Variants in ZFP2 observed in about 807,000 individuals in gnomAD.
ZFP2 encodes the protein ZFP2 zinc finger protein.
ZFP2 carries 33 observed loss-of-function variants against 36.1 expected under a neutral mutation model. That is an observed-to-expected ratio of 0.92 (90% CI 0.69 to 1.22). The LOEUF (loss-of-function observed/expected upper bound fraction) is 1.22. Among genes scored for constraint, ZFP2 ranks in the 50% most tolerant of loss-of-function variants. ZFP2 has a pLI of 0.00. For synonymous variants in ZFP2, 170 were observed against 178.0 expected (o/e 0.96, Z 0.36); for missense variants, 522 against 551.4 (o/e 0.95, Z 0.53).
chr5:178,899,285 G>A (rs1007506291), intron 1 of ZFP2, among the ~76,000 whole-genome samples: 3 of 152,148 alleles, frequency 2.0e-5, no homozygotes, highest in African/African-American at 4.8e-5. Context: ...TGCCATATAG[G>A]TGACATGAAG....
chr5:178,928,327 C>T (rs1188030371), intron 4 of ZFP2, among the ~76,000 whole-genome samples: 1 of 152,112 alleles, frequency 6.6e-6, no homozygotes, highest in Non-Finnish European at 1.5e-5. Context: ...AACATTAACT[C>T]AAAAGTCCAC....
chr5:178,909,913 C>G, intron 1 of ZFP2: 1 of 1,503,510 alleles, frequency 6.7e-7, no homozygotes, highest in South Asian at 1.2e-5. Flanking sequence ...CGGGAGATGC[C>G]CTTGATCCTC....
At chr5:178,922,171 A>G (rs1203112288) in intron 4 of ZFP2, 1 of 1,110,264 alleles carries the variant, frequency 9.0e-7, no homozygotes, top group Non-Finnish European at 1.4e-6. Flanking sequence ...ACTCCTCAAT[A>G]TTGGAAACAC....
chr5:178,921,656 C>T (rs1758564262), intron 4 of ZFP2, among the ~76,000 whole-genome samples: 1 of 149,518 alleles, frequency 6.7e-6, no homozygotes, highest in African/African-American at 2.4e-5. Flanking sequence ...AGAGCTTTTC[C>T]TGGAGAACCT....
At chr5:178,916,259 G>A (rs113521985) in intron 3 of ZFP2, among the ~76,000 whole-genome samples, 1 of 152,144 alleles carries the variant, frequency 6.6e-6, no homozygotes, top group Admixed American at 6.5e-5. Context: ...TGGGACCCAG[G>A]GAAGAGCCCA....
chr5:178,927,478 T>G (rs543989835), intron 4 of ZFP2, among the ~76,000 whole-genome samples: 3 of 150,992 alleles, frequency 2.0e-5, no homozygotes, highest in Non-Finnish European at 4.4e-5. Flanking sequence ...ACTAGGTAAT[T>G]TATTCATTTA....
intron 1 of ZFP2, among the ~76,000 whole-genome samples, chr5:178,902,414 G>A (rs1395961577): frequency 1.3e-5 from 2 of 152,156 alleles, no homozygotes; most frequent in African/African-American, 4.8e-5. Flanking sequence ...TCCTACAACT[G>A]TCCTTTATCT....
chr5:178,928,887 C>T (rs1204333747), intron 4 of ZFP2, among the ~76,000 whole-genome samples: 2 of 152,242 alleles, frequency 1.3e-5, no homozygotes, highest in East Asian at 1.9e-4. Context: ...TACCTGGACA[C>T]CTAGGCTTTT....
chr5:178,917,097 T>A (rs1211074510), intron 4 of ZFP2, among the ~76,000 whole-genome samples: 1 of 152,210 alleles, frequency 6.6e-6, no homozygotes, highest in Non-Finnish European at 1.5e-5. Flanking sequence ...TTTTTAGTAA[T>A]GTGGAAAGCA....
intron 1 of ZFP2, chr5:178,910,411 T>C: frequency 1.2e-6 from 1 of 857,632 alleles, no homozygotes; most frequent in Non-Finnish European, 2.0e-6. Flanking sequence ...CCTGAGGATG[T>C]TGGCAGCTGG....
rs912655265 is a variant in ZFP2, at chr5:178,912,969, T to G, written c.-313-13T>G. 13 of 985,552 alleles carry G rather than the reference T, an allele frequency of 1.3e-5. No individual in the cohort carries two copies. Among genetic ancestry groups the G allele is most frequent in the Non-Finnish European group, 1.6e-5 (13 of 829,772 alleles). 61.1% of individuals were successfully genotyped at this position (985,552 alleles called of 1,614,324 possible). A position where few individuals can be genotyped will look rare whatever the true frequency, so the allele number is the denominator to read the frequency against. On this transcript the variant is annotated splice_polypyrimidine_tract_variant and intron_variant, in intron 2 of 4. Transcript: ENST00000361362. ...GTTCAGAACCCAAATTTAATGTCTC[T>G]CCTCTTAAGCAGGAAATCACCTTTC... is the stretch of plus-strand genomic sequence containing the variant.
intron 1 of ZFP2, chr5:178,910,164 G>T: frequency 6.7e-7 from 1 of 1,484,288 alleles, no homozygotes; most frequent in Non-Finnish European, 9.4e-7. Flanking sequence ...TGCATTTAAT[G>T]CTTTGCAGCC....
chr5:178,920,643 A>C (rs1166903667), intron 4 of ZFP2, among the ~76,000 whole-genome samples: 1 of 152,158 alleles, frequency 6.6e-6, no homozygotes, highest in Non-Finnish European at 1.5e-5. Context: ...TCTCAAAAAA[A>C]AAAAAAAAAT....
intron 1 of ZFP2, among the ~76,000 whole-genome samples, chr5:178,911,460 G>C (rs1342680265): frequency 1.1e-4 from 16 of 152,232 alleles, no homozygotes; most frequent in Non-Finnish European, 1.8e-4. Context: ...GAGACAGCAA[G>C]ACCAACCTCT....
chr5:178,900,567 G>A (rs1175600418), intron 1 of ZFP2, among the ~76,000 whole-genome samples: 1 of 44,906 alleles, frequency 2.2e-5, no homozygotes, highest in Non-Finnish European at 4.1e-5. Context: ...TCTACTCCAC[G>A]TCCCCCTCCC....
chr5:178,902,757 T>TA (rs5873639), intron 1 of ZFP2, among the ~76,000 whole-genome samples: 12,607 of 152,290 alleles, frequency 0.083, 662 homozygotes, highest in Non-Finnish European at 0.12. Flanking sequence ...TCTCATTTCT[T>TA]ATGTAGCTTT....
chr5:178,929,807 G>T (rs11249605), intron 4 of ZFP2, among the ~76,000 whole-genome samples: 38,355 of 151,640 alleles, frequency 0.25, 5,387 homozygotes, highest in East Asian at 0.36. Context: ...CCACTTCCCC[G>T]TACCAATTTT....
chr5:178,900,232 T>G (rs1758026776), intron 1 of ZFP2, among the ~76,000 whole-genome samples: 1 of 152,238 alleles, frequency 6.6e-6, no homozygotes, highest in Admixed American at 6.5e-5. Flanking sequence ...TCATTGAGTT[T>G]TGACAAATTT....
chr5:178,918,854 T>C (rs1397132639), intron 4 of ZFP2, among the ~76,000 whole-genome samples: 1 of 152,184 alleles, frequency 6.6e-6, no homozygotes. Context: ...GATAGTAAAA[T>C]GTCAAGGATC....
Sources: gnomAD v4.1 joint callset for allele counts (sites outside exome capture counted in the v4.1 genomes callset) on GRCh38, gnomAD v4.1.1 for gene constraint, MANE v1.5 for transcripts, NCBI Gene and HGNC (gene_info 2026-07-23, HGNC 2026-07-21) for gene names.